Variants in CATSPERE observed in about 807,000 individuals in gnomAD.
CATSPERE encodes cation channel sperm-associated auxiliary subunit epsilon.
Under a neutral mutation model 114.1 loss-of-function variants are expected in CATSPERE, and 93 were observed. That is an observed-to-expected ratio of 0.81 (90% CI 0.69 to 0.97). The LOEUF (loss-of-function observed/expected upper bound fraction) is 0.97, where lower values mean the gene tolerates loss of function less well. CATSPERE is among the 50% of genes least tolerant of loss of function. The probability of loss-of-function intolerance (pLI) is 0.00; values close to 1 mark genes in which losing one functional copy is unlikely to be tolerated. For missense variants in CATSPERE, 1,058 were observed against 1,131.6 expected (o/e 0.93, Z 0.93); for synonymous variants, 341 against 384.1 (o/e 0.89, Z 1.31).
At chr1:244,513,989 A>T (rs1249640972) in intron 7 of CATSPERE, among the ~76,000 whole-genome samples, 6 of 152,018 alleles carry the variant, frequency 3.9e-5, no homozygotes, top group Non-Finnish European at 8.8e-5. Flanking sequence ...TATATTCTGG[A>T]TATTAATGTT....
intron 2 of CATSPERE, among the ~76,000 whole-genome samples, chr1:244,464,480 C>T (rs998861935): frequency 6.6e-6 from 1 of 152,094 alleles, no homozygotes; most frequent in African/African-American, 2.4e-5. Context: ...GAATGAGTGT[C>T]CTCTATAGGT....
chr1:244,532,612 C>T (rs1679784998), intron 8 of CATSPERE, among the ~76,000 whole-genome samples: 1 of 152,114 alleles, frequency 6.6e-6, no homozygotes, highest in African/African-American at 2.4e-5. Context: ...AATTTCTTCA[C>T]TGACCCACTG....
rs747190837 is a variant in CATSPERE, at chr1:244,568,893, AAAAAACAAAAAC to A, written c.1508-3427_1508-3416del. 6.6e-6 allele frequency among the ~76,000 whole-genome samples: 1 copy of A among 152,260 alleles called. No homozygotes were observed. The highest frequency in any genetic ancestry group is 1.9e-4 in the East Asian group (1 of 5,166). On this transcript the variant is annotated intron_variant, in intron 10 of 21. Coordinates refer to ENST00000366534, the MANE Select transcript of CATSPERE (RefSeq NM_001130957.2). The surrounding 1 kb of genome is among the most constrained non-coding windows in gnomAD (Gnocchi z 4.4). ...GTTCCTGGCACCACTGGGGTATGAA[AAAAAACAAAAAC>A]AAAAACAAAGACAAAAAACTCCTGC...
chr1:244,575,526 G>A lies in CATSPERE; in HGVS notation c.1950+2754G>A, dbSNP rs568686829. 7.9e-5 allele frequency among the ~76,000 whole-genome samples: 12 copies of A among 152,300 alleles called. No homozygotes were observed. The South Asian group carries it at 1.0e-3, about 13-fold the overall frequency. ...GAGCAGCACAGAAGGCTTGGGGCTC[G>A]ACAGCTGGTGGCCTGGATGGCTCTA... On this transcript the variant is annotated intron_variant, in intron 11 of 21. Coordinates refer to ENST00000366534, the MANE Select transcript of CATSPERE (RefSeq NM_001130957.2). This position sits in a 1 kb window ranked among gnomAD's most constrained non-coding sequence, Gnocchi z 4.5.
chr1:244,598,578 C>T (rs550678278), intron 17 of CATSPERE: 8 of 338,902 alleles, frequency 2.4e-5, no homozygotes, highest in Non-Finnish European at 4.3e-5. Context: ...CTTGCACCCA[C>T]AGAGACCATG....
chr1:244,491,086 C>A (rs1672053035), intron 6 of CATSPERE, among the ~76,000 whole-genome samples: 1 of 152,014 alleles, frequency 6.6e-6, no homozygotes, highest in African/African-American at 2.4e-5. Flanking sequence ...AGCTCTGCAC[C>A]AAGCGGACCT....
chr1:244,586,075 G>A (rs909502984), intron 13 of CATSPERE, among the ~76,000 whole-genome samples: 22 of 152,294 alleles, frequency 1.4e-4, no homozygotes, highest in African/African-American at 3.8e-4. Context: ...GTCCGGCTCC[G>A]TCTCTGCACT....
chr1:244,621,242 G>GATATATTTATATAGATATATTTATATAA (rs1672284238), intron 20 of CATSPERE, among the ~76,000 whole-genome samples: 1 of 6,076 alleles, frequency 1.6e-4, no homozygotes, highest in African/African-American at 3.8e-4. Flanking sequence ...TATTTATATA[G>GATATATTTATATAGATATATTTATATAA]ATATATTTAT....
At chr1:244,629,503 CTT>C (rs369560104) in intron 20 of CATSPERE, among the ~76,000 whole-genome samples, 5 of 82,298 alleles carry the variant, frequency 6.1e-5, no homozygotes, top group African/African-American at 1.5e-4. Flanking sequence ...TCTCTCTTAC[CTT>C]TTTTTTTTTT....
intron 17 of CATSPERE, chr1:244,598,829 T>C: frequency 6.0e-6 from 1 of 167,204 alleles, no homozygotes; most frequent in Non-Finnish European, 1.3e-5. Context: ...CATCTCAACT[T>C]TCTCTTTGAA....
chr1:244,455,485 G>A (rs913501456), intron 1 of CATSPERE, among the ~76,000 whole-genome samples: 2 of 151,566 alleles, frequency 1.3e-5, no homozygotes, highest in African/African-American at 2.4e-5. Flanking sequence ...GGCTAAAGTT[G>A]GGTATAAAAT....
At chr1:244,496,365 A>G (rs1673085863) in intron 6 of CATSPERE, among the ~76,000 whole-genome samples, 1 of 152,206 alleles carries the variant, frequency 6.6e-6, no homozygotes. Context: ...CACGCTTAGG[A>G]CCACTAGCTA....
intron 6 of CATSPERE, among the ~76,000 whole-genome samples, chr1:244,492,718 CCTT>C (rs1383574617): frequency 6.7e-6 from 1 of 150,026 alleles, no homozygotes; most frequent in African/African-American, 2.4e-5. Flanking sequence ...CCCAAAATCT[CCTT>C]AAGCTGATAA....
intron 6 of CATSPERE, among the ~76,000 whole-genome samples, chr1:244,496,356 A>T (rs1673081454): frequency 6.6e-6 from 1 of 152,222 alleles, no homozygotes; most frequent in Non-Finnish European, 1.5e-5. Flanking sequence ...GAGTGTTTTC[A>T]CGCTTAGGAC....
chr1:244,529,172 C>G (rs948864321), intron 8 of CATSPERE, among the ~76,000 whole-genome samples: 1 of 152,062 alleles, frequency 6.6e-6, no homozygotes, highest in African/African-American at 2.4e-5. Context: ...TATTGAATTC[C>G]TTTCTTTTGG....
At chr1:244,519,173 G>C (rs2148363176) in intron 8 of CATSPERE, among the ~76,000 whole-genome samples, 1 of 152,268 alleles carries the variant, frequency 6.6e-6, no homozygotes, top group South Asian at 2.1e-4. Context: ...AAAGGATAAA[G>C]TACCTGCCTT....
Position 244,593,597 on chromosome 1 carries a change from A to G in CATSPERE, c.2303+19A>G. ...TTCAACTGTAAGTATATTCTCATCA[A>G]CATTTTAACTTATATTGAAAGTTTC... On this transcript the variant is annotated intron_variant, in intron 17 of 21. Transcript: ENST00000366534. 7.6e-6 allele frequency: 12 copies of G among 1,589,068 alleles called. No individual in the cohort carries two copies. Among genetic ancestry groups the G allele is most frequent in the Non-Finnish European group, 1.0e-5 (12 of 1,162,732 alleles).
intron 7 of CATSPERE, among the ~76,000 whole-genome samples, chr1:244,514,681 T>C (rs542118056): frequency 6.6e-6 from 1 of 152,000 alleles, no homozygotes; most frequent in African/African-American, 2.4e-5. Context: ...TACAAAAAAT[T>C]AGCTGGGCGT....
chr1:244,578,956 A>G (rs1665757413), intron 11 of CATSPERE, among the ~76,000 whole-genome samples: 1 of 149,226 alleles, frequency 6.7e-6, no homozygotes, highest in Non-Finnish European at 1.5e-5. Flanking sequence ...TTGTGATGTC[A>G]TGACTTTTCT....
Sources: gnomAD v4.1 joint callset for allele counts (sites outside exome capture counted in the v4.1 genomes callset) on GRCh38, gnomAD v4.1.1 for gene constraint, Gnocchi (gnomAD v3.1) non-coding constraint, MANE v1.5 for transcripts, NCBI Gene and HGNC (gene_info 2026-07-23, HGNC 2026-07-21) for gene names.